Variants in SLC38A10 observed in about 807,000 individuals in gnomAD.
SLC38A10 encodes the protein solute carrier family 38 member 10.
In SLC38A10, 53 loss-of-function variants were observed where a neutral mutation model predicts 81.0. The ratio of observed to expected loss-of-function variants is 0.65; its 90% CI spans 0.53 to 0.82. The LOEUF (loss-of-function observed/expected upper bound fraction) is 0.82. Ranked by LOEUF, SLC38A10 falls within the 40% of genes least tolerant of loss-of-function variation. SLC38A10 has a pLI of 0.00. For synonymous variants in SLC38A10, 665 were observed against 655.3 expected, an observed-to-expected ratio of 1.01 and a Z score of -0.23; for missense variants, 1,471 against 1,545.0, an observed-to-expected ratio of 0.95 and a Z score of 0.80.
chr17:81,273,453 C>T (rs974476653), intron 8 of SLC38A10, among the ~76,000 whole-genome samples: 6 of 152,230 alleles, frequency 3.9e-5, no homozygotes, highest in African/African-American at 1.4e-4. Context: ...ATCTCCTCAT[C>T]CAGCCGTGGT....
At chr17:81,273,940 G>C (rs2063138912) in intron 8 of SLC38A10, among the ~76,000 whole-genome samples, 2 of 152,250 alleles carry the variant, frequency 1.3e-5, no homozygotes, top group Non-Finnish European at 2.9e-5. Context: ...CGCACCTCCG[G>C]GAAAGGAGCA....
At chr17:81,292,279 A>G (rs888675115) in intron 1 of SLC38A10, among the ~76,000 whole-genome samples, 7 of 152,020 alleles carry the variant, frequency 4.6e-5, no homozygotes, top group African/African-American at 1.7e-4. Context: ...GGCGCCTGAC[A>G]TCGCGCACAG....
At chr17:81,279,687 C>T (rs1292068944) in intron 6 of SLC38A10, 1 of 155,608 alleles carries the variant, frequency 6.4e-6, no homozygotes, top group East Asian at 1.9e-4. Flanking sequence ...TACGTGGCCA[C>T]CACCAAAAAG....
At position 81,283,345 on chromosome 17, in the gene SLC38A10, C is replaced by A; in HGVS notation, c.357+64G>T. The A allele has an allele frequency of 6.8e-7, 1 of 1,463,464 alleles. No homozygotes were observed. Among genetic ancestry groups the A allele is most frequent in the East Asian group, 2.4e-5 (1 of 41,532 alleles). The allele number at this position is 1,463,464 out of a possible 1,614,324, so 90.7% of individuals were successfully genotyped here. On this transcript the variant is annotated intron_variant, in intron 4 of 15. Transcript: ENST00000374759. The surrounding 1 kb of genome is among the most constrained non-coding windows in gnomAD (Gnocchi z 4.7). ...CCAGGTCTCGGTCCTCGGGAGGATC[C>A]CACAGAGGGCCTCAGAGCAGCCGTC...
chr17:81,255,655 C>G (rs537156427), intron 11 of SLC38A10, among the ~76,000 whole-genome samples: 1 of 152,322 alleles, frequency 6.6e-6, no homozygotes, highest in South Asian at 2.1e-4. Flanking sequence ...GAACACCCAG[C>G]AGAGGGTGCT....
rs1285324700 is a variant in SLC38A10 at position 81,246,183 on chromosome 17, GT to G, written c.2732del (p.Asn911ThrfsTer16). On this transcript the variant is annotated frameshift_variant, in exon 16 of 16. Transcript: ENST00000374759. LOFTEE classifies it low-confidence loss of function (END_TRUNC). ...CTGCTCCTGGCCCTGCCACGAGCCA[GT>G]TGGCTTCCTTCAGAATGCTGGTGCC... ...ATGTSILKEA[N>X]WLVAGPGAET... The G allele has an allele frequency of 6.2e-7, 1 of 1,612,426 alleles. No individual in the cohort carries two copies. Among genetic ancestry groups the G allele is most frequent in the African/African-American group, 1.3e-5 (1 of 74,956 alleles).
Position 81,275,602 on chromosome 17 carries a change from C to T in SLC38A10, c.912+367G>A, listed in dbSNP as rs112594886. Among the ~76,000 whole-genome samples the T allele has an allele frequency of 1.8e-3, 272 of 150,440 alleles. 4 individuals carry two copies. The highest frequency in any genetic ancestry group is 6.2e-3 in the African/African-American group (252 of 40,510). ...CAAAAATTAGCCGGGCATGGTGGCG[C>T]GCGCCTGTAGTCCCAGCTACACGGG... On this transcript the variant is annotated intron_variant, in intron 8 of 15. Coordinates refer to ENST00000374759, the MANE Select transcript of SLC38A10 (RefSeq NM_001037984.3).
intron 2 of SLC38A10, 28 bp from the exon 3 acceptor site, chr17:81,284,923 A>G: frequency 6.5e-7 from 1 of 1,536,074 alleles, no homozygotes; most frequent in Non-Finnish European, 8.8e-7. Flanking sequence ...GGAACACTCA[A>G]TCCAACAGCG....
Position 81,272,221 on chromosome 17 carries a change from G to A in SLC38A10, c.1024+295C>T, listed in dbSNP as rs60451795. On this transcript the variant is annotated intron_variant, in intron 9 of 15. Coordinates refer to ENST00000374759, the MANE Select transcript of SLC38A10 (RefSeq NM_001037984.3). ...CTAATTTTGTATTTTTAGTAGAGAC[G>A]GGGTTTCTCCACATTGGTCAGGCTG... is the stretch of plus-strand genomic sequence containing the variant. Among the ~76,000 whole-genome samples the A allele has an allele frequency of 9.4e-3, 1,430 of 152,082 alleles. 27 individuals are homozygous for A. Among genetic ancestry groups the A allele is most frequent in the African/African-American group, 0.033 (1,357 of 41,462 alleles).
Position 81,253,384 on chromosome 17 carries a change from T to G in SLC38A10, c.1289-144A>C. On this transcript the variant is annotated intron_variant, in intron 11 of 15. Transcript: ENST00000374759. The surrounding 1 kb of genome is among the most constrained non-coding windows in gnomAD (Gnocchi z 4.1). Reference sequence around the variant, plus strand: ...TCCTGTTCGATCATTAGCAGCTAAGTAGCACAGAAAACTGTCATTTTTCAT... The same window carrying G: ...TCCTGTTCGATCATTAGCAGCTAAGGAGCACAGAAAACTGTCATTTTTCAT... 1 of 1,009,038 alleles carries G rather than the reference T, an allele frequency of 9.9e-7. No individual in the cohort carries two copies. Among genetic ancestry groups the G allele is most frequent in the South Asian group, 1.7e-5 (1 of 58,960 alleles). The allele number at this position is 1,009,038 out of a possible 1,614,324, so 62.5% of individuals were successfully genotyped here.
chr17:81,283,521 T>C lies in SLC38A10; in HGVS notation c.264-19A>G. 1 of 1,595,450 alleles carries C rather than the reference T, an allele frequency of 6.3e-7. No homozygotes were observed. The highest frequency in any genetic ancestry group is 8.5e-7 in the Non-Finnish European group (1 of 1,170,358). On this transcript the variant is annotated intron_variant, in intron 3 of 15. Transcript: ENST00000374759. This position sits in a 1 kb window ranked among gnomAD's most constrained non-coding sequence, Gnocchi z 4.7. The stretch of plus-strand genomic sequence containing the variant: ...GATCATGCTGCACAGGGACGGGGGG[T>C]ACGGGAAATGCCATCAGGGCAAGCT...
Position 81,275,976 on chromosome 17 carries a change from T to G in SLC38A10, c.905A>C (p.Glu302Ala), listed in dbSNP as rs1279079655. The G allele has an allele frequency of 6.2e-7, 1 of 1,613,348 alleles. No homozygotes were observed. Among genetic ancestry groups the G allele is most frequent in the Non-Finnish European group, 8.5e-7 (1 of 1,179,822 alleles). ...GTGCCCCGAGGGTCTTACCTGCTGC[T>G]CACACAGCAGCGTGCTCAGGGCCTG... is the stretch of plus-strand genomic sequence containing the variant. ...CRQALSTLLC[E>A]QQQKDGTFAA... is the part of the protein sequence containing the mutation. The change falls in exon 8 of 16, where the codon GAG becomes GCG. Residue 302 changes from glutamate (E) to alanine (A), a missense_variant. Physicochemically the swap from Glu to Ala is moderately radical, Grantham distance 107. Around this residue, in one of 2 missense-constraint regions of SLC38A10, gnomAD observed 720 missense variants for 827.7 expected, o/e 0.87. Transcript: ENST00000374759.
intron 14 of SLC38A10, among the ~76,000 whole-genome samples, chr17:81,249,074 T>A (rs2062879903): frequency 6.6e-6 from 1 of 151,794 alleles, no homozygotes; most frequent in African/African-American, 2.4e-5. Context: ...CATGTGCTGG[T>A]GACACCTCCC....
intron 8 of SLC38A10, among the ~76,000 whole-genome samples, chr17:81,273,941 G>GA (rs1250785101): frequency 2.6e-5 from 4 of 152,248 alleles, no homozygotes; most frequent in African/African-American, 9.6e-5. Context: ...GCACCTCCGG[G>GA]AAAGGAGCAG....
rs1203192783 is a variant in SLC38A10 at position 81,272,660 on chromosome 17, GACTGATT to G, written c.913-40_913-34del. On this transcript the variant is annotated intron_variant, in intron 8 of 15. Transcript: ENST00000374759. ...AAAGAAAAACAAAAGGTTTTGAAAT[GACTGATT>G]TCCTCCACCACTCTCCTAGAAAGCA... 2.1e-6 allele frequency: 3 copies of G among 1,442,538 alleles called. No individual in the cohort carries two copies. In the Admixed American group the frequency reaches 7.3e-5, roughly 35 times the overall value. 89.4% of individuals were successfully genotyped at this position (1,442,538 alleles called of 1,614,324 possible).
At chr17:81,256,376 C>T (rs112737740) in intron 11 of SLC38A10, among the ~76,000 whole-genome samples, 4 of 152,348 alleles carry the variant, frequency 2.6e-5, no homozygotes, top group African/African-American at 9.6e-5. Context: ...AGACCGGAGG[C>T]CAGCACGGAC....
intron 8 of SLC38A10, among the ~76,000 whole-genome samples, chr17:81,273,199 G>A (rs761404119): frequency 3.9e-5 from 6 of 152,386 alleles, no homozygotes; most frequent in East Asian, 1.9e-4. Context: ...CCAGTGTGCA[G>A]CCAGGACTCT....
At chr17:81,280,359 GA>G (rs2063199489) in intron 6 of SLC38A10, among the ~76,000 whole-genome samples, 1 of 152,162 alleles carries the variant, frequency 6.6e-6, no homozygotes, top group African/African-American at 2.4e-5. Flanking sequence ...TGCTTGTGGG[GA>G]TCTGGCAAAC....
At chr17:81,249,924 G>T in intron 14 of SLC38A10, 1 of 597,982 alleles carries the variant, frequency 1.7e-6, no homozygotes, top group Non-Finnish European at 2.5e-6. Context: ...CTGTGGCTGA[G>T]CCTGGGTGCG....
Sources: gnomAD v4.1 joint callset for allele counts (sites outside exome capture counted in the v4.1 genomes callset) on GRCh38, gnomAD v4.1.1 for gene constraint, gnomAD v4.1.1 regional missense constraint, Gnocchi (gnomAD v3.1) non-coding constraint, MANE v1.5 for transcripts, NCBI Gene and HGNC (gene_info 2026-07-23, HGNC 2026-07-21) for gene names.